CEP85: variants seen among roughly 807,000 people sequenced by gnomAD.
CEP85 encodes the protein centrosomal protein 85.
In CEP85, 58 loss-of-function variants were observed where a neutral mutation model predicts 93.7. That is an observed-to-expected ratio of 0.62 (90% confidence interval 0.50 to 0.77). The LOEUF (loss-of-function observed/expected upper bound fraction) is 0.77, where lower values mean the gene tolerates loss of function less well. CEP85 is among the 30% of genes least tolerant of loss of function. The pLI is 0.00. For missense variants in CEP85, 868 were observed against 922.0 expected, an observed-to-expected ratio of 0.94 and a Z score of 0.76; for synonymous variants, 314 against 338.6, an observed-to-expected ratio of 0.93 and a Z score of 0.80.
chr1:26,249,237 A>G (rs2089565057), intron 3 of CEP85, among the ~76,000 whole-genome samples: 1 of 151,832 alleles, frequency 6.6e-6, no homozygotes, highest in Admixed American at 6.6e-5. Context: ...GTGTGCCACC[A>G]CACCCAGCTA....
intron 11 of CEP85, chr1:26,272,413 C>G (rs1448432783): frequency 3.5e-6 from 1 of 284,492 alleles, no homozygotes; most frequent in East Asian, 6.5e-5. Context: ...TGTTGGATTC[C>G]AGATAGGAGG....
rs181777406 is a variant in CEP85, at chr1:26,249,167, C to T, written c.208+4849C>T. 6.0e-3 allele frequency among the ~76,000 whole-genome samples: 907 copies of T among 152,278 alleles called. 8 individuals are homozygous for T. Among genetic ancestry groups the T allele is most frequent in the African/African-American group, 0.021 (872 of 41,562 alleles). On this transcript the variant is annotated intron_variant, in intron 3 of 13. Coordinates refer to ENST00000451429, the MANE Select transcript of CEP85 (RefSeq NM_001319944.2). The stretch of plus-strand genomic sequence containing the variant: ...CATGATCTTGGCTCACTGCAACCTC[C>T]GCCTCCCGGGTTCAAGCGATTCTTC...
chr1:26,275,056 C>A lies in CEP85; in HGVS notation c.1887C>A (p.Arg629=). The change falls in exon 12 of 14, where the codon CGC becomes CGA. Residue 629 remains arginine (R), a synonymous_variant. Coordinates refer to ENST00000451429, the MANE Select transcript of CEP85 (RefSeq NM_001319944.2). ...GGGATTCAGCCCTGCAGCAGCTGCG[C>A]ACAGCCGTGAAGGAGGTGAGCAACA... The part of the protein sequence containing the change: ...QRRDSALQQL[R]TAVKELSVQN... 6.3e-7 allele frequency: 1 copy of A among 1,575,506 alleles called. No homozygotes were observed.
At chr1:26,248,339 C>T (rs2089543243) in intron 3 of CEP85, among the ~76,000 whole-genome samples, 3 of 152,046 alleles carry the variant, frequency 2.0e-5, no homozygotes. Context: ...ATTGAAATGA[C>T]CAGCTGTATT....
At chr1:26,267,612 T>C (rs2089912052) in intron 7 of CEP85, among the ~76,000 whole-genome samples, 5 of 152,058 alleles carry the variant, frequency 3.3e-5, no homozygotes, top group Admixed American at 3.3e-4. Flanking sequence ...TGACATAGGG[T>C]GAGGTCCAGG....
chr1:26,242,665 T>A (rs2089445535), intron 2 of CEP85, among the ~76,000 whole-genome samples: 1 of 152,174 alleles, frequency 6.6e-6, no homozygotes, highest in African/African-American at 2.4e-5. Flanking sequence ...CCAAATTACT[T>A]TGGGCGTAAT....
At chr1:26,245,396 C>T (rs1037948706) in intron 3 of CEP85, among the ~76,000 whole-genome samples, 4 of 152,102 alleles carry the variant, frequency 2.6e-5, no homozygotes, top group East Asian at 3.9e-4. Context: ...CCCATGTATG[C>T]GATGCCTGCC....
At chr1:26,238,080 A>G (rs1016114881) in intron 1 of CEP85, among the ~76,000 whole-genome samples, 4 of 150,928 alleles carry the variant, frequency 2.7e-5, no homozygotes, top group Non-Finnish European at 4.4e-5. Flanking sequence ...AGTGACCTCT[A>G]TAGTATTCTC....
intron 7 of CEP85, among the ~76,000 whole-genome samples, chr1:26,265,414 C>T (rs1283650552): frequency 2.0e-5 from 3 of 152,144 alleles, no homozygotes; most frequent in East Asian, 1.9e-4. Context: ...CCACCACACC[C>T]GGCCATATAC....
chr1:26,277,872 C>G lies in CEP85; in HGVS notation c.*579C>G, dbSNP rs2090076435. 2.0e-5 allele frequency: 3 copies of G among 153,248 alleles called. No individual in the cohort carries two copies. The highest frequency in any genetic ancestry group is 7.2e-5 in the African/African-American group (3 of 41,422). 9.5% of individuals were successfully genotyped at this position (153,248 alleles called of 1,614,324 possible). A position where few individuals can be genotyped will look rare whatever the true frequency, so the allele number is the denominator to read the frequency against. On this transcript the variant is annotated 3_prime_UTR_variant, in exon 14 of 14. Transcript: ENST00000451429. ...TAATGTGTTGGTTAGCACGTAACTA[C>G]TAGGATTGGGGCCCTAGGGATTATA...
At chr1:26,260,155 A>G (rs2089783619) in intron 7 of CEP85, among the ~76,000 whole-genome samples, 1 of 152,220 alleles carries the variant, frequency 6.6e-6, no homozygotes, top group African/African-American at 2.4e-5. Flanking sequence ...GTATATTTGT[A>G]TCATTCAGTC....
At position 26,259,800 on chromosome 1, in the gene CEP85, A is replaced by C. The variant is rs192881800; in HGVS notation, c.1339A>C (p.Arg447=). The change falls in exon 7 of 14, where the codon AGG becomes CGG. Residue 447 remains arginine, a splice_region_variant and synonymous_variant. Transcript: ENST00000451429. ...HSEEVKKQEE[R]VKGRDKHINN... is the part of the protein sequence containing the mutation. Reference sequence around the variant, plus strand: ...TGAGGAAGTGAAGAAACAGGAAGAAAGGGTGAGCTGAGTAGCTGATAGCCC... The same window carrying C: ...TGAGGAAGTGAAGAAACAGGAAGAACGGGTGAGCTGAGTAGCTGATAGCCC... 2.7e-4 allele frequency: 430 copies of C among 1,610,710 alleles called. 7 individuals are homozygous for C. In the Admixed American group the frequency reaches 7.0e-3, roughly 26 times the overall value.
intron 3 of CEP85, among the ~76,000 whole-genome samples, chr1:26,251,040 C>G (rs950024285): frequency 3.6e-5 from 5 of 137,266 alleles, no homozygotes; most frequent in African/African-American, 5.5e-5. Context: ...CTCCCATGTT[C>G]AAGTGATTTC....
chr1:26,262,473 G>A (rs993225451), intron 7 of CEP85, among the ~76,000 whole-genome samples: 11 of 151,400 alleles, frequency 7.3e-5, no homozygotes, highest in African/African-American at 2.4e-4. Flanking sequence ...GTGAGTGAGA[G>A]TCTGTCTCAA....
chr1:26,250,963 C>CA (rs2089603999), intron 3 of CEP85, among the ~76,000 whole-genome samples: 1 of 56,984 alleles, frequency 1.8e-5, no homozygotes, highest in Admixed American at 2.7e-4. Context: ...TTTTTTGAGA[C>CA]AGAGTCTTAT....
intron 7 of CEP85, chr1:26,263,534 C>T: frequency 6.4e-6 from 1 of 156,566 alleles, no homozygotes; most frequent in Non-Finnish European, 1.4e-5. Flanking sequence ...TAAAAATTAG[C>T]CAGGCATGGT....
chr1:26,275,286 T>G (rs912845164), intron 12 of CEP85, among the ~76,000 whole-genome samples: 1 of 151,124 alleles, frequency 6.6e-6, no homozygotes. Context: ...TAGGAAGGTT[T>G]TTTTTTTTTT....
chr1:26,260,228 C>T lies in CEP85; in HGVS notation c.1341+426C>T, dbSNP rs1057015812. Among the ~76,000 whole-genome samples the T allele has an allele frequency of 4.6e-5, 7 of 152,268 alleles. No homozygotes were observed. The South Asian group carries it at 8.3e-4, about 18-fold the overall frequency. ...CATGTGCATCAGGCATGGTGGCTCA[C>T]GCCTGTAATCCCAGCACTTTGGGAG... On this transcript the variant is annotated intron_variant, in intron 7 of 13. Coordinates refer to ENST00000451429, the MANE Select transcript of CEP85 (RefSeq NM_001319944.2).
In CEP85 at chr1:26,276,646, G is replaced by A; in HGVS notation, c.2014G>A (p.Glu672Lys). ...PSPDTAQLAL[E>K]LHQELASCLQ... ...ACCAGACACGGCCCAGCTGGCACTT[G>A]AGCTGCACCAGGAGTTGGCCAGTTG... The change falls in exon 13 of 14, where the codon GAG (glutamate) becomes AAG (lysine). Residue 672 changes from glutamate (E) to lysine (K), a missense_variant. Physicochemically the swap from Glu to Lys is moderately conservative, Grantham distance 56. Coordinates refer to ENST00000451429, the MANE Select transcript of CEP85 (RefSeq NM_001319944.2). 3 of 1,614,220 alleles carry A rather than the reference G, an allele frequency of 1.9e-6. No homozygotes were observed. Among genetic ancestry groups the A allele is most frequent in the Non-Finnish European group, 2.5e-6 (3 of 1,180,056 alleles).
Sources: allele counts gnomAD v4.1 joint callset (sites outside exome capture counted in the v4.1 genomes callset), GRCh38; gene constraint gnomAD v4.1.1; transcripts MANE v1.5; gene names NCBI Gene and HGNC (gene_info 2026-07-23, HGNC 2026-07-21).